Variants in DOCK2 observed in about 807,000 individuals in gnomAD.
DOCK2 encodes the protein dedicator of cytokinesis 2, also known as dedicator of cytokinesis protein 2.
A neutral mutation model predicts 248.9 loss-of-function variants in DOCK2; 87 were observed. The ratio of observed to expected loss-of-function variants is 0.35; its 90% CI spans 0.29 to 0.42. DOCK2 has a LOEUF of 0.42. DOCK2 is among the 10% of genes least tolerant of loss of function. The pLI is 1.00. For synonymous variants in DOCK2, 805 were observed against 821.6 expected (o/e 0.98, Z 0.35); for missense variants, 1,747 against 2,300.2 (o/e 0.76, Z 4.92).
At chr5:169,711,042 T>C (rs989588368) in intron 15 of DOCK2, among the ~76,000 whole-genome samples, 4 of 152,186 alleles carry the variant, frequency 2.6e-5, no homozygotes, top group African/African-American at 9.7e-5. Context: ...TGGCTGCAGT[T>C]ACCCATGAGA....
At chr5:169,962,417 G>T (rs1189196559) in intron 27 of DOCK2, among the ~76,000 whole-genome samples, 2 of 152,128 alleles carry the variant, frequency 1.3e-5, no homozygotes. Context: ...GAGGATGGAG[G>T]TTCCATTTCC....
At chr5:169,905,600 T>C (rs1416730086) in intron 27 of DOCK2, among the ~76,000 whole-genome samples, 1 of 152,166 alleles carries the variant, frequency 6.6e-6, no homozygotes, top group Admixed American at 6.5e-5. Context: ...GTATACGGGC[T>C]TGAATGATGT....
chr5:169,927,170 C>T (rs1251835765), intron 27 of DOCK2, among the ~76,000 whole-genome samples: 10 of 152,152 alleles, frequency 6.6e-5, no homozygotes, highest in Admixed American at 2.6e-4. Flanking sequence ...GGGAAGATCT[C>T]GGCCCTTTCC....
chr5:169,750,463 A>T (rs534793891), intron 23 of DOCK2, among the ~76,000 whole-genome samples: 1 of 152,310 alleles, frequency 6.6e-6, no homozygotes, highest in South Asian at 2.1e-4. Context: ...ATAAGATTTC[A>T]TTGTGTGGGT....
chr5:169,998,290 A>G (rs1754717393), intron 30 of DOCK2, among the ~76,000 whole-genome samples: 1 of 152,236 alleles, frequency 6.6e-6, no homozygotes, highest in Non-Finnish European at 1.5e-5. Context: ...CCTGGCACAT[A>G]GTAGGTCTCC....
At chr5:170,002,431 G>T (rs1208006073) in intron 30 of DOCK2, among the ~76,000 whole-genome samples, 1 of 152,162 alleles carries the variant, frequency 6.6e-6, no homozygotes, top group Non-Finnish European at 1.5e-5. Context: ...TAAAAAAGAT[G>T]TCTGTACATA....
chr5:169,816,010 G>T (rs1249351502), intron 26 of DOCK2, among the ~76,000 whole-genome samples: 3 of 152,164 alleles, frequency 2.0e-5, no homozygotes, highest in Admixed American at 2.0e-4. Context: ...TTTCCAAAAA[G>T]CATTTCTTGC....
intron 27 of DOCK2, among the ~76,000 whole-genome samples, chr5:169,914,111 C>T (rs1049688485): frequency 6.6e-6 from 1 of 152,164 alleles, no homozygotes; most frequent in East Asian, 1.9e-4. Flanking sequence ...CTCAGAACGC[C>T]TTTTGTATAG....
At chr5:169,730,082 G>C (rs970867486) in intron 22 of DOCK2, among the ~76,000 whole-genome samples, 1 of 151,972 alleles carries the variant, frequency 6.6e-6, no homozygotes, top group African/African-American at 2.4e-5. Context: ...TCAGCCTCCC[G>C]AGTAGCTGGG....
intron 25 of DOCK2, among the ~76,000 whole-genome samples, chr5:169,796,642 T>A (rs1766672470): frequency 1.3e-5 from 2 of 152,158 alleles, no homozygotes; most frequent in African/African-American, 4.8e-5. Context: ...GATGGAAATA[T>A]ATCGAAATAT....
chr5:170,004,294 G>GT (rs1275022729), intron 30 of DOCK2, among the ~76,000 whole-genome samples: 1 of 152,202 alleles, frequency 6.6e-6, no homozygotes, highest in African/African-American at 2.4e-5. Flanking sequence ...CCCACCAACA[G>GT]TGTAAGAGTG....
chr5:169,917,350 C>A (rs1581413159), intron 27 of DOCK2, among the ~76,000 whole-genome samples: 1 of 152,172 alleles, frequency 6.6e-6, no homozygotes, highest in South Asian at 2.1e-4. Flanking sequence ...GTTTGTTTTG[C>A]ACCCTGACAC....
chr5:169,875,170 C>A (rs999336376), intron 27 of DOCK2: 2 of 454,598 alleles, frequency 4.4e-6, no homozygotes, highest in Non-Finnish European at 8.8e-6. Flanking sequence ...TCTTTCAAGA[C>A]CCTGATTTTT....
At chr5:169,820,487 GC>G (rs1227484282) in intron 26 of DOCK2, among the ~76,000 whole-genome samples, 1 of 152,180 alleles carries the variant, frequency 6.6e-6, no homozygotes, top group Non-Finnish European at 1.5e-5. Flanking sequence ...TGCAGCCTCT[GC>G]TGCTGGTACC....
chr5:169,926,774 G>C (rs902811863), intron 27 of DOCK2, among the ~76,000 whole-genome samples: 1 of 152,156 alleles, frequency 6.6e-6, no homozygotes, highest in Non-Finnish European at 1.5e-5. Flanking sequence ...CATTCATTTA[G>C]CAACTAGTTA....
chr5:169,681,375 C>T (rs573006285), intron 6 of DOCK2, among the ~76,000 whole-genome samples: 40 of 151,576 alleles, frequency 2.6e-4, no homozygotes, highest in African/African-American at 8.0e-4. Context: ...CCACCCACCT[C>T]GGCCTCCCAA....
chr5:169,716,531 G>A (rs1450013351), intron 20 of DOCK2, among the ~76,000 whole-genome samples: 1 of 152,216 alleles, frequency 6.6e-6, no homozygotes, highest in Non-Finnish European at 1.5e-5. Context: ...AATTTTAAAT[G>A]CTGATGTCAG....
chr5:170,055,633 C>T (rs903835436), intron 42 of DOCK2, among the ~76,000 whole-genome samples: 2 of 152,266 alleles, frequency 1.3e-5, no homozygotes, highest in African/African-American at 2.4e-5. Context: ...CAGCAAGCAT[C>T]GAGCATTTGC....
At chr5:169,897,962 G>A (rs1314633981) in intron 27 of DOCK2, among the ~76,000 whole-genome samples, 1 of 152,162 alleles carries the variant, frequency 6.6e-6, no homozygotes, top group South Asian at 2.1e-4. Context: ...AAAGGAGCAG[G>A]CTAGCTAGAG....
Sources: gnomAD v4.1 joint callset for allele counts (sites outside exome capture counted in the v4.1 genomes callset) on GRCh38, gnomAD v4.1.1 for gene constraint, MANE v1.5 for transcripts, NCBI Gene and HGNC (gene_info 2026-07-23, HGNC 2026-07-21) for gene names.